The following L2HGDH variants were observed in gnomAD, a reference collection of about 807,000 sequenced individuals.
The protein encoded by L2HGDH is L-2-hydroxyglutarate dehydrogenase, mitochondrial.
A neutral mutation model predicts 51.5 loss-of-function variants in L2HGDH; 34 were observed. The observed-to-expected ratio is 0.66, with a 90% confidence interval of 0.50 to 0.88. The LOEUF (loss-of-function observed/expected upper bound fraction) is 0.88, where lower values mean the gene tolerates loss of function less well. Among genes scored for constraint, L2HGDH ranks in the 40% least tolerant of loss-of-function variants. The pLI is 0.00. For synonymous variants in L2HGDH, 198 were observed against 197.9 expected (o/e 1.00, Z -0.01); for missense variants, 558 against 571.9 (o/e 0.98, Z 0.25).
At chr14:50,280,712 C>T (rs958467220) in intron 5 of L2HGDH, among the ~76,000 whole-genome samples, 3 of 152,120 alleles carry the variant, frequency 2.0e-5, no homozygotes, top group African/African-American at 4.8e-5. Context: ...TGGGGTCTCG[C>T]GATGTTGCCC....
chr14:50,244,403 G>A lies in L2HGDH; in HGVS notation c.*2655C>T. On this transcript the variant is annotated 3_prime_UTR_variant, in exon 10 of 10. Coordinates refer to ENST00000267436, the MANE Select transcript of L2HGDH (RefSeq NM_024884.3). ...ATGGATTGAGGACTGCTTCAATTAG[G>A]ACAATCATTTTTTGTAATTCAATGT... 3.0e-6 allele frequency: 3 copies of A among 985,268 alleles called. No individual in the cohort carries two copies. Among genetic ancestry groups the A allele is most frequent in the Non-Finnish European group, 1.2e-6 (1 of 829,848 alleles). 61.0% of individuals were successfully genotyped at this position (985,268 alleles called of 1,614,324 possible).
intron 2 of L2HGDH, 21 bp downstream of exon 2, chr14:50,302,881 C>A (rs1331024524): frequency 6.6e-7 from 1 of 1,509,318 alleles, no homozygotes; most frequent in South Asian, 1.1e-5. Context: ...GCCCAAAGAA[C>A]AACATTGATT....
intron 7 of L2HGDH, 66 bp downstream of exon 7, chr14:50,269,097 T>C: frequency 7.5e-6 from 11 of 1,459,520 alleles, no homozygotes; most frequent in Non-Finnish European, 1.1e-5. Flanking sequence ...GTGAAAGTTG[T>C]TTTCATCTCC....
rs2030919404 is a variant in L2HGDH, at chr14:50,309,417, C to T, written c.140+2594G>A. On this transcript the variant is annotated intron_variant, in intron 1 of 9. Coordinates refer to ENST00000267436, the MANE Select transcript of L2HGDH (RefSeq NM_024884.3). ...ATCTCTACTCAAAATACAAAATCAG[C>T]TGGGCGTGGTGGCACATGCCTGTAA... Among the ~76,000 whole-genome samples the T allele has an allele frequency of 2.0e-5, 3 of 152,112 alleles. No homozygotes were observed. The South Asian group carries it at 6.2e-4, about 31-fold the overall frequency.
intron 1 of L2HGDH, chr14:50,311,342 A>C (rs1444748949): frequency 2.2e-6 from 1 of 456,108 alleles, no homozygotes; most frequent in Non-Finnish European, 4.4e-6. Flanking sequence ...GTCTTCCACT[A>C]AACTTCAGTC....
intron 4 of L2HGDH, among the ~76,000 whole-genome samples, chr14:50,291,153 G>A (rs1481709458): frequency 1.6e-5 from 2 of 126,594 alleles, no homozygotes; most frequent in Non-Finnish European, 3.1e-5. Context: ...AGCCGAAATT[G>A]TGCCACTGCA....
In L2HGDH at chr14:50,301,662, C is replaced by T. The variant is rs898381157; in HGVS notation, c.408+355G>A. Among the ~76,000 whole-genome samples, 4 of 152,012 alleles carry T rather than the reference C, an allele frequency of 2.6e-5. No homozygotes were observed. In the East Asian group the frequency reaches 5.8e-4, roughly 22 times the overall value. ...AGTATACTAGTGGTTGCTAGGGCAT[C>T]GGGGGAGGTAGAAATGGGAAGTGAC... On this transcript the variant is annotated intron_variant, in intron 3 of 9. Transcript: ENST00000267436.
At chr14:50,305,157 G>A (rs1234853100) in intron 1 of L2HGDH, among the ~76,000 whole-genome samples, 1 of 152,162 alleles carries the variant, frequency 6.6e-6, no homozygotes, top group African/African-American at 2.4e-5. Context: ...TAACTTGGGG[G>A]TCATAAGTGG....
chr14:50,250,730 G>C (rs4901002), intron 9 of L2HGDH, among the ~76,000 whole-genome samples: 94,237 of 152,038 alleles, frequency 0.62, 29,836 homozygotes, highest in Non-Finnish European at 0.7. Context: ...TTATTTGGGA[G>C]GAAGTAAGGG....
chr14:50,297,092 A>C (rs1352409433), intron 3 of L2HGDH, among the ~76,000 whole-genome samples: 3 of 152,186 alleles, frequency 2.0e-5, no homozygotes, highest in African/African-American at 7.2e-5. Flanking sequence ...ACATTCAACA[A>C]ACTAGGAATA....
intron 4 of L2HGDH, among the ~76,000 whole-genome samples, chr14:50,292,635 G>A (rs61242556): frequency 0.045 from 6,875 of 152,228 alleles, 459 homozygotes; most frequent in African/African-American, 0.14. Flanking sequence ...GAACCCGGGA[G>A]GCAGAGGTTG....
intron 8 of L2HGDH, among the ~76,000 whole-genome samples, chr14:50,266,063 T>A (rs1489505453): frequency 3.3e-5 from 5 of 151,834 alleles, no homozygotes; most frequent in Admixed American, 2.0e-4. Flanking sequence ...GGAGGCTCGC[T>A]TAAGCCCAGG....
In L2HGDH at chr14:50,244,318, A is replaced by G. The variant is rs1887913269; in HGVS notation, c.*2740T>C. 5.6e-6 allele frequency: 5 copies of G among 887,968 alleles called. No individual in the cohort carries two copies. The highest frequency in any genetic ancestry group is 5.2e-5 in the South Asian group (1 of 19,320). 55.0% of individuals were successfully genotyped at this position (887,968 alleles called of 1,614,324 possible). The stretch of plus-strand genomic sequence containing the variant: ...CCACCAACAGTGTAAAAGTGTTCCT[A>G]TTTCTCCACATCCTCTCCAGCACCT... On this transcript the variant is annotated 3_prime_UTR_variant, in exon 10 of 10. Transcript: ENST00000267436.
intron 7 of L2HGDH, among the ~76,000 whole-genome samples, chr14:50,268,444 G>T (rs1161031308): frequency 2.7e-5 from 4 of 149,698 alleles, no homozygotes; most frequent in African/African-American, 7.4e-5. Flanking sequence ...TTCCATCTAT[G>T]CATCTTTCTG....
intron 6 of L2HGDH, among the ~76,000 whole-genome samples, chr14:50,276,409 C>T (rs1481843770): frequency 4.6e-5 from 7 of 152,150 alleles, no homozygotes; most frequent in African/African-American, 7.2e-5. Flanking sequence ...TAATACATTT[C>T]TCCATACATT....
At chr14:50,290,264 C>A (rs561871155) in intron 4 of L2HGDH, among the ~76,000 whole-genome samples, 1 of 151,472 alleles carries the variant, frequency 6.6e-6, no homozygotes, top group South Asian at 2.1e-4. Context: ...GAGACTCCGT[C>A]TCATAAAAAA....
intron 9 of L2HGDH, among the ~76,000 whole-genome samples, chr14:50,254,467 A>T (rs1595066223): frequency 6.6e-6 from 1 of 152,084 alleles, no homozygotes; most frequent in African/African-American, 2.4e-5. Context: ...TATTTTGTAT[A>T]CTATTTATAG....
intron 6 of L2HGDH, among the ~76,000 whole-genome samples, chr14:50,273,247 T>C (rs1327724330): frequency 1.3e-5 from 2 of 152,162 alleles, no homozygotes; most frequent in East Asian, 3.9e-4. Flanking sequence ...CCAAGGACAA[T>C]TTTAATAATC....
chr14:50,247,255 T>A lies in L2HGDH; in HGVS notation c.1197-2A>T, dbSNP rs892424035. Reference sequence around the variant, plus strand: ...TGGGCTCTTACTCCAGCTGGGCCCCTGCAAAAGTAAAAGATGGGAGTCAGC... The same window carrying A: ...TGGGCTCTTACTCCAGCTGGGCCCCAGCAAAAGTAAAAGATGGGAGTCAGC... On this transcript the variant is annotated splice_acceptor_variant, in intron 9 of 9. Transcript: ENST00000267436. LOFTEE classifies it high-confidence loss of function. 3 of 1,612,010 alleles carry A rather than the reference T, an allele frequency of 1.9e-6. No homozygotes were observed. In the African/African-American group the frequency reaches 4.0e-5, roughly 22 times the overall value.
Sources: allele counts gnomAD v4.1 joint callset (sites outside exome capture counted in the v4.1 genomes callset), GRCh38; gene constraint gnomAD v4.1.1; transcripts MANE v1.5; gene names NCBI Gene and HGNC (gene_info 2026-07-23, HGNC 2026-07-21).